CSMD1: variants seen among roughly 807,000 people sequenced by gnomAD.
CSMD1 encodes the protein CUB and sushi domain-containing protein 1.
Under a neutral mutation model 417.5 loss-of-function variants are expected in CSMD1, and 213 were observed. That is an observed-to-expected ratio of 0.51 (90% CI 0.46 to 0.57). The LOEUF is 0.57. Ranked by LOEUF, CSMD1 falls within the 20% of genes least tolerant of loss-of-function variation. CSMD1 has a pLI of 0.00. For synonymous variants in CSMD1, 2,862 were observed against 1,736.8 expected (o/e 1.65, Z -16.11); for missense variants, 6,923 against 4,529.7 (o/e 1.53, Z -15.17).
chr8:3,595,230 G>C (rs1801036324), intron 8 of CSMD1, among the ~76,000 whole-genome samples: 1 of 152,186 alleles, frequency 6.6e-6, no homozygotes, highest in Non-Finnish European at 1.5e-5. Flanking sequence ...AAGACCATTT[G>C]CAAGCAAGCC....
At chr8:3,785,411 G>C (rs1244463943) in intron 5 of CSMD1, among the ~76,000 whole-genome samples, 1 of 152,170 alleles carries the variant, frequency 6.6e-6, no homozygotes, top group Non-Finnish European at 1.5e-5. Context: ...CTGGTGAGAG[G>C]TCAGGCTAAG....
At position 3,436,253 on chromosome 8, in the gene CSMD1, G is replaced by A. The variant is rs147446678; in HGVS notation, c.1562-26648C>T. Among the ~76,000 whole-genome samples the A allele has an allele frequency of 7.2e-5, 11 of 152,290 alleles. No individual in the cohort carries two copies. The South Asian group carries it at 2.3e-3, about 32-fold the overall frequency. ...AAAAGAAAATTAAAATGTGACATGA[G>A]TCTCTCTTACCAACGCGATAGTAAG... is the stretch of plus-strand genomic sequence containing the variant. On this transcript the variant is annotated intron_variant, in intron 12 of 69. Coordinates refer to ENST00000635120, the MANE Select transcript of CSMD1 (RefSeq NM_033225.6).
Position 4,361,965 on chromosome 8 carries a change from A to AAAATAAAT in CSMD1, c.415+57980_415+57987dup, listed in dbSNP as rs535614689. ...GGGCAACACAGCAAGACTCCATCTC[A>AAAATAAAT]AAATAAATAAATAAATAAATAAATA... On this transcript the variant is annotated intron_variant, in intron 3 of 69. Coordinates refer to ENST00000635120, the MANE Select transcript of CSMD1 (RefSeq NM_033225.6). Among the ~76,000 whole-genome samples, 1,092 of 151,948 alleles carry AAAATAAAT rather than the reference A, an allele frequency of 7.2e-3. 7 individuals carry two copies. The highest frequency in any genetic ancestry group is 9.2e-3 in the Non-Finnish European group (627 of 67,952).
intron 1 of CSMD1, among the ~76,000 whole-genome samples, chr8:4,812,919 C>T (rs1204323503): frequency 6.6e-6 from 1 of 152,106 alleles, no homozygotes; most frequent in Non-Finnish European, 1.5e-5. Flanking sequence ...CAGTTTATAG[C>T]AACACTAAAT....
chr8:4,169,466 A>T (rs76080373), intron 3 of CSMD1, among the ~76,000 whole-genome samples: 2,236 of 152,116 alleles, frequency 0.015, 58 homozygotes, highest in East Asian at 0.061. Context: ...ACATATCCCA[A>T]ATCTGACTCA....
Position 2,938,570 on chromosome 8 carries a change from T to C in CSMD1, c.*15A>G, listed in dbSNP as rs1200103497. 1.9e-6 allele frequency: 3 copies of C among 1,607,134 alleles called. No homozygotes were observed. The highest frequency in any genetic ancestry group is 1.7e-6 in the Non-Finnish European group (2 of 1,176,472). On this transcript the variant is annotated 3_prime_UTR_variant, in exon 70 of 70. Coordinates refer to ENST00000635120, the MANE Select transcript of CSMD1 (RefSeq NM_033225.6). Reference sequence around the variant, plus strand: ...GAGGTATGGCTATGAATCAGTCCTGTTGGGGCACTGAGGGCTATACCACTG... The same window carrying C: ...GAGGTATGGCTATGAATCAGTCCTGCTGGGGCACTGAGGGCTATACCACTG...
At chr8:3,488,837 T>C (rs1043036927) in intron 11 of CSMD1, among the ~76,000 whole-genome samples, 3 of 152,212 alleles carry the variant, frequency 2.0e-5, no homozygotes, top group Admixed American at 1.3e-4. Flanking sequence ...AAAGATAATA[T>C]ACAGAAAAAT....
At chr8:3,403,121 G>A (rs1275132148) in intron 15 of CSMD1, among the ~76,000 whole-genome samples, 2 of 152,188 alleles carry the variant, frequency 1.3e-5, no homozygotes, top group East Asian at 1.9e-4. Flanking sequence ...TACAGGGCAT[G>A]AGACCTATAA....
intron 67 of CSMD1, 46 bp downstream of exon 67, chr8:2,950,185 G>A (rs754424518): frequency 2.4e-6 from 3 of 1,236,330 alleles, no homozygotes; most frequent in South Asian, 1.2e-5. Flanking sequence ...ACAGAGAGAT[G>A]ATTAGAAAGC....
intron 1 of CSMD1, among the ~76,000 whole-genome samples, chr8:4,898,759 C>G (rs559597243): frequency 2.0e-5 from 3 of 151,948 alleles, no homozygotes; most frequent in African/African-American, 7.3e-5. Flanking sequence ...TTTAGTTCAT[C>G]GTTGGAAGCG....
Position 2,965,841 on chromosome 8 carries a change from C to T in CSMD1, c.9214G>A (p.Val3072Ile). The T allele has an allele frequency of 6.2e-7, 1 of 1,608,528 alleles. No individual in the cohort carries two copies. Among genetic ancestry groups the T allele is most frequent in the Non-Finnish European group, 8.5e-7 (1 of 1,177,350 alleles). ...QCNPGYVMEA[V>I]TSATIRCTKD... is the part of the protein sequence containing the mutation. The stretch of plus-strand genomic sequence containing the variant: ...GTACAGCGAATAGTGGCGGATGTGA[C>T]TGCTTCCATGACATAGCCTGGGTTA... The change falls in exon 59 of 70, where the codon GTC becomes ATC. Residue 3072 changes from valine to isoleucine, a missense_variant. Transcript: ENST00000635120.
intron 2 of CSMD1, among the ~76,000 whole-genome samples, chr8:4,559,743 A>G (rs1160755468): frequency 6.6e-6 from 1 of 152,230 alleles, no homozygotes; most frequent in African/African-American, 2.4e-5. Context: ...CTGTTATTTC[A>G]CAAATAGTGA....
intron 17 of CSMD1, among the ~76,000 whole-genome samples, chr8:3,389,250 C>A (rs7015334): frequency 6.6e-6 from 1 of 151,714 alleles, no homozygotes; most frequent in Non-Finnish European, 1.5e-5. Flanking sequence ...TTGTTTTTCC[C>A]GATCCTCTCC....
At chr8:2,941,067 G>A (rs1197938853) in intron 69 of CSMD1, among the ~76,000 whole-genome samples, 1 of 152,140 alleles carries the variant, frequency 6.6e-6, no homozygotes, top group East Asian at 1.9e-4. Context: ...AGAAATTCAA[G>A]GATAAGGCTC....
In CSMD1 at chr8:3,151,428, G is replaced by A. The variant is rs1585489029; in HGVS notation, c.6000C>T (p.Cys2000=). 2 of 1,613,256 alleles carry A rather than the reference G, an allele frequency of 1.2e-6. No individual in the cohort carries two copies. Among genetic ancestry groups the A allele is most frequent in the Non-Finnish European group, 1.7e-6 (2 of 1,179,368 alleles). The part of the protein sequence containing the change: ...FPGSYPNNLD[C]TWRISLPIGY... ...CGATGGGTAATGAGATCCTCCAGGT[G>A]CAGTCTAAGTTGTTGGGGTAAGAAC... is the stretch of plus-strand genomic sequence containing the variant. Residue 2000 remains cysteine, a synonymous_variant, in exon 40 of 70, where the codon TGC becomes TGT. Coordinates refer to ENST00000635120, the MANE Select transcript of CSMD1 (RefSeq NM_033225.6).
At chr8:4,172,683 C>A (rs150558950) in intron 3 of CSMD1, among the ~76,000 whole-genome samples, 1 of 152,170 alleles carries the variant, frequency 6.6e-6, no homozygotes, top group African/African-American at 2.4e-5. Context: ...GTGTTTCACA[C>A]ATATTCATTA....
intron 3 of CSMD1, among the ~76,000 whole-genome samples, chr8:4,396,735 G>C (rs1450998426): frequency 6.6e-6 from 1 of 152,006 alleles, no homozygotes. Context: ...GCAGCAACCT[G>C]GATGGAAATG....
chr8:3,410,774 T>G (rs985963516), intron 12 of CSMD1, among the ~76,000 whole-genome samples: 1 of 152,130 alleles, frequency 6.6e-6, no homozygotes, highest in Non-Finnish European at 1.5e-5. Flanking sequence ...GATCTCACTC[T>G]GTTGTCCAGG....
At chr8:3,566,136 G>T (rs1044402359) in intron 10 of CSMD1, among the ~76,000 whole-genome samples, 1 of 152,020 alleles carries the variant, frequency 6.6e-6, no homozygotes, top group Non-Finnish European at 1.5e-5. Context: ...AAAGATGGAG[G>T]AGAGAAAGAG....
Sources: gnomAD v4.1 joint callset for allele counts (sites outside exome capture counted in the v4.1 genomes callset) on GRCh38, gnomAD v4.1.1 for gene constraint, MANE v1.5 for transcripts, NCBI Gene and HGNC (gene_info 2026-07-23, HGNC 2026-07-21) for gene names.